Variants in THNSL1 observed in about 807,000 individuals in gnomAD.
THNSL1 encodes the protein threonine synthase-like 1.
Under a neutral mutation model 50.4 loss-of-function variants are expected in THNSL1, and 48 were observed. That is an observed-to-expected ratio of 0.95 (90% CI 0.76 to 1.21). The LOEUF is 1.21. Among genes scored for constraint, THNSL1 ranks in the 50% most tolerant of loss-of-function variants. THNSL1 has a pLI of 0.00. For missense variants in THNSL1, 896 were observed against 871.7 expected (o/e 1.03, Z -0.35); for synonymous variants, 309 against 306.1 (o/e 1.01, Z -0.10).
At chr10:24,953,690 A>G in the THNSL1 span, among the ~76,000 whole-genome samples, 1 of 152,174 alleles carries the variant, frequency 6.6e-6, no homozygotes, top group South Asian at 2.1e-4. Flanking sequence ...CCCTGAATCC[A>G]AGAGAACTTA....
the THNSL1 span, among the ~76,000 whole-genome samples, chr10:24,969,259 CT>C: frequency 6.6e-6 from 1 of 152,184 alleles, no homozygotes. Context: ...CATGCTACTC[CT>C]TTGGCTGTGA....
the THNSL1 span, chr10:24,984,582 C>G: frequency 3.0e-6 from 3 of 1,013,136 alleles, no homozygotes; most frequent in Non-Finnish European, 4.2e-6. Flanking sequence ...GTGAATAACT[C>G]AATTATTCTT....
chr10:25,017,490 G>A (rs1020573119), intron 1 of THNSL1, among the ~76,000 whole-genome samples: 1 of 152,110 alleles, frequency 6.6e-6, no homozygotes, highest in Non-Finnish European at 1.5e-5. Context: ...TGGTTGGCTG[G>A]CGGAGTGATT....
chr10:25,009,445 A>G, the THNSL1 span, among the ~76,000 whole-genome samples: 1 of 152,224 alleles, frequency 6.6e-6, no homozygotes, highest in Non-Finnish European at 1.5e-5. Context: ...TTAGGGAAAT[A>G]TTTTAGACAT....
chr10:24,958,984 C>T, the THNSL1 span, among the ~76,000 whole-genome samples: 1 of 152,172 alleles, frequency 6.6e-6, no homozygotes, highest in African/African-American at 2.4e-5. Context: ...GCTGCAGGAA[C>T]TAGGGACTAA....
chr10:24,997,587 C>T, the THNSL1 span, among the ~76,000 whole-genome samples: 1 of 151,920 alleles, frequency 6.6e-6, no homozygotes, highest in African/African-American at 2.4e-5. Context: ...TAGGGTCTCA[C>T]TTTGTTGCTC....
chr10:25,005,849 G>A, the THNSL1 span, among the ~76,000 whole-genome samples: 2 of 152,142 alleles, frequency 1.3e-5, no homozygotes, highest in Non-Finnish European at 2.9e-5. Context: ...CCTCTCACAA[G>A]CTGTTGAGTG....
At chr10:25,000,269 T>A in the THNSL1 span, among the ~76,000 whole-genome samples, 17 of 152,190 alleles carry the variant, frequency 1.1e-4, no homozygotes, top group African/African-American at 4.1e-4. Context: ...AAATGTTCTG[T>A]ATACACTTGA....
At chr10:24,975,740 G>T in the THNSL1 span, among the ~76,000 whole-genome samples, 3 of 152,140 alleles carry the variant, frequency 2.0e-5, no homozygotes. Flanking sequence ...GGAACTGTGA[G>T]TCAATTAAAC....
chr10:24,994,560 C>T, the THNSL1 span, among the ~76,000 whole-genome samples: 2 of 151,980 alleles, frequency 1.3e-5, no homozygotes, highest in Non-Finnish European at 2.9e-5. Context: ...ACTTGAACTC[C>T]TGACCTCAAG....
At chr10:24,988,812 T>A in the THNSL1 span, among the ~76,000 whole-genome samples, 1 of 151,036 alleles carries the variant, frequency 6.6e-6, no homozygotes, top group Non-Finnish European at 1.5e-5. Context: ...TTATGAAGAA[T>A]GAGCAGAATG....
the THNSL1 span, among the ~76,000 whole-genome samples, chr10:24,956,392 C>T: frequency 6.6e-6 from 1 of 151,762 alleles, no homozygotes; most frequent in South Asian, 2.1e-4. Context: ...AAGTTAATAA[C>T]CAGTCAATAT....
chr10:24,970,371 TGATA>T, the THNSL1 span, among the ~76,000 whole-genome samples: 64 of 152,142 alleles, frequency 4.2e-4, no homozygotes, highest in Admixed American at 1.1e-3. Flanking sequence ...AATAGGCAGA[TGATA>T]GATAGAGAGG....
the THNSL1 span, among the ~76,000 whole-genome samples, chr10:24,979,188 T>C: frequency 6.6e-6 from 1 of 152,218 alleles, no homozygotes; most frequent in Admixed American, 6.5e-5. Flanking sequence ...GCCGAAAAAT[T>C]TCCTTGACCT....
the THNSL1 span, among the ~76,000 whole-genome samples, chr10:24,988,269 T>C: frequency 6.9e-6 from 1 of 145,592 alleles, no homozygotes; most frequent in African/African-American, 2.5e-5. Context: ...TATATATTTA[T>C]ATATATGTGT....
chr10:24,962,190 T>G, the THNSL1 span, among the ~76,000 whole-genome samples: 2 of 152,236 alleles, frequency 1.3e-5, no homozygotes, highest in African/African-American at 4.8e-5. Context: ...TATATTTATG[T>G]CTTGCGTTAT....
chr10:24,994,708 T>G, the THNSL1 span, among the ~76,000 whole-genome samples: 1 of 152,162 alleles, frequency 6.6e-6, no homozygotes, highest in Non-Finnish European at 1.5e-5. Flanking sequence ...TAAGATTTTT[T>G]GTAAGCTTTT....
the THNSL1 span, among the ~76,000 whole-genome samples, chr10:24,967,082 C>A: frequency 6.6e-6 from 1 of 152,090 alleles, no homozygotes. Flanking sequence ...TCATAACAGG[C>A]CAGAAAGATT....
At chr10:24,998,773 A>T in the THNSL1 span, among the ~76,000 whole-genome samples, 1 of 152,116 alleles carries the variant, frequency 6.6e-6, no homozygotes, top group Non-Finnish European at 1.5e-5. Flanking sequence ...ATAATTTTTG[A>T]GGCCCAGTAA....
Sources: gnomAD v4.1 joint callset for allele counts (sites outside exome capture counted in the v4.1 genomes callset) on GRCh38, gnomAD v4.1.1 for gene constraint, MANE v1.5 for transcripts, NCBI Gene and HGNC (gene_info 2026-07-23, HGNC 2026-07-21) for gene names.